The following FBXL17 variants were observed in gnomAD, a reference collection of about 807,000 sequenced individuals.
FBXL17 encodes F-box/LRR-repeat protein 17.
FBXL17 carries 22 observed loss-of-function variants against 66.2 expected under a neutral mutation model. That is an observed-to-expected ratio of 0.33 (90% CI 0.24 to 0.47). FBXL17 has a LOEUF of 0.47. Ranked by LOEUF, FBXL17 falls within the 20% of genes least tolerant of loss-of-function variation. The pLI is 1.00. For synonymous variants in FBXL17, 474 were observed against 400.5 expected, an observed-to-expected ratio of 1.18 and a Z score of -2.19; for missense variants, 878 against 948.2, an observed-to-expected ratio of 0.93 and a Z score of 0.97.
chr5:107,976,582 G>A (rs769211491), intron 7 of FBXL17, among the ~76,000 whole-genome samples: 13 of 152,168 alleles, frequency 8.5e-5, no homozygotes, highest in Non-Finnish European at 1.2e-4. Context: ...TCTAGTTTAG[G>A]CTTGCAGTTT....
At chr5:108,212,764 G>A (rs147620176) in intron 5 of FBXL17, among the ~76,000 whole-genome samples, 121 of 151,874 alleles carry the variant, frequency 8.0e-4, no homozygotes, top group African/African-American at 2.8e-3. Flanking sequence ...CTAGTGGGAG[G>A]TGTCTCCCAG....
chr5:108,002,356 C>T (rs1015638247), intron 7 of FBXL17, among the ~76,000 whole-genome samples: 4 of 151,890 alleles, frequency 2.6e-5, no homozygotes, highest in African/African-American at 9.7e-5. Context: ...ACAAAAAAAA[C>T]TCCTTCTCTT....
chr5:107,973,486 A>C (rs1390011825), intron 7 of FBXL17, among the ~76,000 whole-genome samples: 1 of 150,866 alleles, frequency 6.6e-6, no homozygotes, highest in East Asian at 2.0e-4. Flanking sequence ...CCATTTTTAG[A>C]GTGTGCACCA....
At position 107,919,907 on chromosome 5, in the gene FBXL17, C is replaced by A. The variant is rs185737841; in HGVS notation, c.1823-38728G>T. On this transcript the variant is annotated intron_variant, in intron 7 of 8. Transcript: ENST00000542267. ...GGCAAGAATTTTTGCTTTTCTTCAGCGCTTTATTTCCAGCAACTAGGACAA... is the reference window on the plus strand; with the variant it reads ...GGCAAGAATTTTTGCTTTTCTTCAGAGCTTTATTTCCAGCAACTAGGACAA... 2.6e-5 allele frequency among the ~76,000 whole-genome samples: 4 copies of A among 152,266 alleles called. No individual in the cohort carries two copies. The South Asian group carries it at 8.3e-4, about 32-fold the overall frequency.
At chr5:107,869,680 G>A (rs1006379457) in intron 8 of FBXL17, among the ~76,000 whole-genome samples, 1 of 152,136 alleles carries the variant, frequency 6.6e-6, no homozygotes, top group Admixed American at 6.5e-5. Flanking sequence ...TGGGTGACAT[G>A]CCACATTCTG....
At chr5:108,292,618 C>CA (rs1034049231) in intron 4 of FBXL17, among the ~76,000 whole-genome samples, 1 of 152,116 alleles carries the variant, frequency 6.6e-6, no homozygotes, top group African/African-American at 2.4e-5. Context: ...CATGACCTCA[C>CA]AAAAAACCTC....
At chr5:107,893,654 T>A (rs888350918) in intron 7 of FBXL17, among the ~76,000 whole-genome samples, 6 of 152,214 alleles carry the variant, frequency 3.9e-5, no homozygotes, top group African/African-American at 1.4e-4. Context: ...TTTATTTTTT[T>A]ATTTTTTCTT....
In FBXL17 at chr5:108,201,108, A is replaced by G. The variant is rs377470317; in HGVS notation, c.1615-14861T>C. Among the ~76,000 whole-genome samples the G allele has an allele frequency of 2.8e-4, 43 of 152,350 alleles. No homozygotes were observed. In the South Asian group the frequency reaches 7.0e-3, roughly 25 times the overall value. ...TAACAGGGAATTACTATGAAAATGAATTCCCTATATTTAAAGAATGCAACT... is the reference window on the plus strand; with the variant it reads ...TAACAGGGAATTACTATGAAAATGAGTTCCCTATATTTAAAGAATGCAACT... On this transcript the variant is annotated intron_variant, in intron 5 of 8. Coordinates refer to ENST00000542267, the MANE Select transcript of FBXL17 (RefSeq NM_001163315.3).
At chr5:107,883,086 A>G (rs1561516801) in intron 7 of FBXL17, among the ~76,000 whole-genome samples, 1 of 152,204 alleles carries the variant, frequency 6.6e-6, no homozygotes, top group Non-Finnish European at 1.5e-5. Flanking sequence ...CGTTTATTTA[A>G]TAAGCACCTC....
At chr5:108,230,052 A>C (rs1354709918) in intron 4 of FBXL17, among the ~76,000 whole-genome samples, 1 of 152,160 alleles carries the variant, frequency 6.6e-6, no homozygotes, top group Non-Finnish European at 1.5e-5. Context: ...TGACCATAAT[A>C]AAAAAATCAA....
chr5:108,344,178 G>A (rs4957553), intron 4 of FBXL17, among the ~76,000 whole-genome samples: 64,354 of 151,950 alleles, frequency 0.42, 14,412 homozygotes, highest in Non-Finnish European at 0.5. Context: ...CAGCCTAGGG[G>A]GTCGGGGGGG....
chr5:108,299,245 C>G, intron 4 of FBXL17: 1 of 985,062 alleles, frequency 1.0e-6, no homozygotes, highest in Non-Finnish European at 1.2e-6. Flanking sequence ...CAATCTGCAC[C>G]TAGTTTAAAG....
intron 6 of FBXL17, among the ~76,000 whole-genome samples, chr5:108,168,576 G>C (rs1482654038): frequency 6.6e-6 from 1 of 152,052 alleles, no homozygotes; most frequent in African/African-American, 2.4e-5. Flanking sequence ...AATCTACCTA[G>C]GTGGAATCCC....
At chr5:107,966,247 C>T (rs1301058277) in intron 7 of FBXL17, among the ~76,000 whole-genome samples, 2 of 152,048 alleles carry the variant, frequency 1.3e-5, no homozygotes, top group Non-Finnish European at 2.9e-5. Context: ...GGGATAAGCC[C>T]TGACTATCTG....
chr5:107,943,685 TG>T (rs760376066), intron 7 of FBXL17, among the ~76,000 whole-genome samples: 2 of 152,160 alleles, frequency 1.3e-5, no homozygotes, highest in Non-Finnish European at 1.5e-5. Flanking sequence ...CTGCTGCTTT[TG>T]GTATATAAAG....
rs1242739302 is a variant in FBXL17 at position 108,177,932 on chromosome 5, T to TATAC, written c.1745+8184_1745+8185insGTAT. ...AAATGTATATATATATATATATATA[T>TATAC]ACACACACACACTATTACCTCACTA... is the stretch of plus-strand genomic sequence containing the variant. On this transcript the variant is annotated intron_variant, in intron 6 of 8. Transcript: ENST00000542267. Among the ~76,000 whole-genome samples the TATAC allele has an allele frequency of 3.9e-3, 498 of 126,870 alleles. 10 individuals carry two copies. Among genetic ancestry groups the TATAC allele is most frequent in the African/African-American group, 0.012 (455 of 36,500 alleles). 83.2% of individuals were successfully genotyped at this position (126,870 alleles called of 152,430 possible).
chr5:107,937,207 G>A (rs566498883), intron 7 of FBXL17, among the ~76,000 whole-genome samples: 16 of 152,190 alleles, frequency 1.1e-4, no homozygotes, highest in African/African-American at 3.6e-4. Context: ...ATTATACAAC[G>A]TATGTGAAAC....
chr5:108,240,528 C>T (rs1755810331), intron 4 of FBXL17, among the ~76,000 whole-genome samples: 2 of 152,118 alleles, frequency 1.3e-5, no homozygotes, highest in African/African-American at 4.8e-5. Flanking sequence ...TGGGTACCAG[C>T]TCAACCACAG....
chr5:107,945,569 T>C (rs1751255783), intron 7 of FBXL17, among the ~76,000 whole-genome samples: 1 of 152,138 alleles, frequency 6.6e-6, no homozygotes, highest in Non-Finnish European at 1.5e-5. Flanking sequence ...ACAATGTGGC[T>C]AAATCTCAAA....
Sources: allele counts gnomAD v4.1 joint callset (sites outside exome capture counted in the v4.1 genomes callset), GRCh38; gene constraint gnomAD v4.1.1; transcripts MANE v1.5; gene names NCBI Gene and HGNC (gene_info 2026-07-23, HGNC 2026-07-21).